Variants in AFF3 observed in about 807,000 individuals in gnomAD.
AFF3 encodes ALF transcription elongation factor 3.
AFF3 carries 32 observed loss-of-function variants against 129.7 expected under a neutral mutation model. The ratio of observed to expected loss-of-function variants is 0.25; its 90% CI spans 0.19 to 0.33. AFF3 has a LOEUF of 0.33. Among genes scored for constraint, AFF3 ranks in the 10% least tolerant of loss-of-function variants. The probability of loss-of-function intolerance (pLI) is 1.00; values close to 1 mark genes in which losing one functional copy is unlikely to be tolerated. For missense variants in AFF3, 1,373 were observed against 1,592.0 expected (o/e 0.86, Z 2.34); for synonymous variants, 644 against 635.4 (o/e 1.01, Z -0.20).
intron 11 of AFF3, among the ~76,000 whole-genome samples, chr2:99,711,780 G>A (rs572273730): frequency 2.6e-5 from 4 of 152,314 alleles, no homozygotes; most frequent in African/African-American, 9.6e-5. Context: ...TTCAACACAA[G>A]AGCATGAAGA....
At chr2:99,843,643 T>G (rs1408943061) in intron 7 of AFF3, among the ~76,000 whole-genome samples, 1 of 152,232 alleles carries the variant, frequency 6.6e-6, no homozygotes, top group Non-Finnish European at 1.5e-5. Context: ...ATAAGTCAAC[T>G]GTATTTATAT....
chr2:99,657,369 T>C (rs1239460027), intron 12 of AFF3, among the ~76,000 whole-genome samples: 1 of 152,206 alleles, frequency 6.6e-6, no homozygotes, highest in African/African-American at 2.4e-5. Flanking sequence ...GTCTGTAACA[T>C]GAAGTAGCCC....
In AFF3 at chr2:99,743,237, G is replaced by A. The variant is rs934262004; in HGVS notation, c.1039+867C>T. On this transcript the variant is annotated intron_variant, in intron 10 of 24. Transcript: ENST00000672756. ...CCTCCACCGGCCTTTCTCTAGCTGC[G>A]CATGAAAATTCTGCTGCTTCCCAGT... is the stretch of plus-strand genomic sequence containing the variant. 3.5e-4 allele frequency among the ~76,000 whole-genome samples: 53 copies of A among 152,114 alleles called. 1 individual carries two copies. Among genetic ancestry groups the A allele is most frequent in the East Asian group, 3.8e-4 (2 of 5,196 alleles).
chr2:99,828,982 T>C (rs1443252150), intron 8 of AFF3, among the ~76,000 whole-genome samples: 1 of 152,208 alleles, frequency 6.6e-6, no homozygotes, highest in Non-Finnish European at 1.5e-5. Context: ...ATGTCATCAA[T>C]AGGGTCTTTG....
At chr2:99,927,175 T>C (rs937594346) in intron 7 of AFF3, among the ~76,000 whole-genome samples, 1 of 152,202 alleles carries the variant, frequency 6.6e-6, no homozygotes, top group Admixed American at 6.5e-5. Flanking sequence ...GCTTAGGAGA[T>C]GAGCAATTAA....
chr2:99,670,918 A>AT (rs1687092935), intron 12 of AFF3, among the ~76,000 whole-genome samples: 1 of 152,230 alleles, frequency 6.6e-6, no homozygotes, highest in African/African-American at 2.4e-5. Flanking sequence ...CAATGAGTAC[A>AT]GAATGGAAGG....
Position 99,654,445 on chromosome 2 carries a change from GA to G in AFF3, c.1144-4780del, listed in dbSNP as rs151023738. ...TGCACACTATTTTATTTTACTACTG[GA>G]AAATAATGAAACGAATAAATATTGG... On this transcript the variant is annotated intron_variant, in intron 12 of 24. Coordinates refer to ENST00000672756, the MANE Select transcript of AFF3 (RefSeq NM_001386135.1). Among the ~76,000 whole-genome samples, 99 of 152,020 alleles carry G rather than the reference GA, an allele frequency of 6.5e-4. 1 individual carries two copies. In the East Asian group the frequency reaches 0.018, roughly 27 times the overall value.
chr2:99,837,685 A>G (rs1688994907), intron 7 of AFF3, among the ~76,000 whole-genome samples, 161 bp from the exon 8 acceptor site: 1 of 151,948 alleles, frequency 6.6e-6, no homozygotes, highest in African/African-American at 2.4e-5. Context: ...CCTTTCCCTA[A>G]CAGCCGGCTC....
chr2:99,647,985 A>C (rs1322914370), intron 13 of AFF3, among the ~76,000 whole-genome samples: 1 of 152,230 alleles, frequency 6.6e-6, no homozygotes, highest in Non-Finnish European at 1.5e-5. Context: ...TGTTTTGGGA[A>C]GAAATCTTCG....
At chr2:99,650,173 C>T (rs1685103644) in intron 12 of AFF3, among the ~76,000 whole-genome samples, 1 of 152,162 alleles carries the variant, frequency 6.6e-6, no homozygotes, top group African/African-American at 2.4e-5. Flanking sequence ...TTGCTTTAGG[C>T]ATAGTTAATG....
chr2:99,840,895 C>T (rs992028261), intron 7 of AFF3, among the ~76,000 whole-genome samples: 1 of 152,150 alleles, frequency 6.6e-6, no homozygotes, highest in Non-Finnish European at 1.5e-5. Flanking sequence ...GAAAATGTAC[C>T]GTCAAACCTA....
intron 24 of AFF3, 25 bp from the exon 25 acceptor site, chr2:99,551,620 AG>A: frequency 6.2e-7 from 1 of 1,613,822 alleles, no homozygotes; most frequent in Non-Finnish European, 8.5e-7. Context: ...AGAGTTGTTA[AG>A]AATGCCACAC....
At chr2:99,815,049 A>G (rs913447191) in intron 8 of AFF3, among the ~76,000 whole-genome samples, 47 of 152,104 alleles carry the variant, frequency 3.1e-4, no homozygotes, top group African/African-American at 1.1e-3. Context: ...TTTTGTCACT[A>G]AGAGTGACTG....
Position 99,578,315 on chromosome 2 carries a change from G to C in AFF3, c.2918+12C>G. ...CTTGCCCCTCACCACATTTAAAAGC[G>C]TCTGAACTTACATATCATCGAAGAC... On this transcript the variant is annotated intron_variant, in intron 18 of 24. Coordinates refer to ENST00000672756, the MANE Select transcript of AFF3 (RefSeq NM_001386135.1). 1 of 1,592,964 alleles carries C rather than the reference G, an allele frequency of 6.3e-7. No homozygotes were observed. The highest frequency in any genetic ancestry group is 8.5e-7 in the Non-Finnish European group (1 of 1,172,426).
intron 2 of AFF3, chr2:100,110,014 G>C (rs10211595): frequency 0.53 from 80,897 of 152,066 alleles, 22,275 homozygotes; most frequent in African/African-American, 0.66. Flanking sequence ...CAATTCTCCT[G>C]CCACCCAGTT....
intron 10 of AFF3, among the ~76,000 whole-genome samples, chr2:99,730,413 A>G (rs10496339): frequency 0.087 from 13,233 of 152,242 alleles, 1,916 homozygotes; most frequent in African/African-American, 0.3. Context: ...CTTACTTTCC[A>G]TCAATAGTGT....
intron 8 of AFF3, among the ~76,000 whole-genome samples, chr2:99,763,652 T>C (rs370108285): frequency 6.6e-6 from 1 of 152,196 alleles, no homozygotes; most frequent in East Asian, 1.9e-4. Flanking sequence ...TTAAAAAATA[T>C]CTATTTCTCA....
chr2:99,726,563 T>C (rs1199926634), intron 11 of AFF3, among the ~76,000 whole-genome samples: 2 of 152,060 alleles, frequency 1.3e-5, no homozygotes, highest in East Asian at 1.9e-4. Flanking sequence ...AAACATAGAG[T>C]GAGGAGCACA....
At chr2:99,888,245 T>C (rs1396249754) in intron 7 of AFF3, among the ~76,000 whole-genome samples, 1 of 152,190 alleles carries the variant, frequency 6.6e-6, no homozygotes, top group Non-Finnish European at 1.5e-5. Flanking sequence ...GAGCAGATGA[T>C]GAAGGTACTG....
Sources: gnomAD v4.1 joint callset for allele counts (sites outside exome capture counted in the v4.1 genomes callset) on GRCh38, gnomAD v4.1.1 for gene constraint, MANE v1.5 for transcripts, NCBI Gene and HGNC (gene_info 2026-07-23, HGNC 2026-07-21) for gene names.